The following VWC2L variants were observed in gnomAD, a reference collection of about 807,000 sequenced individuals.
The protein encoded by VWC2L is von Willebrand factor C domain-containing protein 2-like.
Under a neutral mutation model 21.6 loss-of-function variants are expected in VWC2L, and 10 were observed. That is an observed-to-expected ratio of 0.46 (90% CI 0.29 to 0.78). The LOEUF (loss-of-function observed/expected upper bound fraction) is 0.78, where lower values mean the gene tolerates loss of function less well. VWC2L is among the 30% of genes least tolerant of loss of function. The probability of loss-of-function intolerance (pLI) is 0.10; values close to 1 mark genes in which losing one functional copy is unlikely to be tolerated. For synonymous variants in VWC2L, 96 were observed against 94.3 expected (o/e 1.02, Z -0.10); for missense variants, 209 against 277.1 (o/e 0.75, Z 1.74).
intron 3 of VWC2L, among the ~76,000 whole-genome samples, chr2:214,503,570 C>T (rs552376860): frequency 6.6e-5 from 10 of 152,024 alleles, no homozygotes; most frequent in African/African-American, 1.7e-4. Flanking sequence ...TTAAAATTTC[C>T]GGGGATACTT....
chr2:214,551,075 C>T (rs1350889890), intron 3 of VWC2L, among the ~76,000 whole-genome samples: 1 of 152,012 alleles, frequency 6.6e-6, no homozygotes, highest in Admixed American at 6.6e-5. Flanking sequence ...GTTACAGTCT[C>T]TTGGAAGGAA....
chr2:214,505,716 T>C (rs565356400), intron 3 of VWC2L, among the ~76,000 whole-genome samples: 1 of 152,186 alleles, frequency 6.6e-6, no homozygotes, highest in South Asian at 2.1e-4. Flanking sequence ...GATGATGTTC[T>C]GGCCCTGTAT....
In VWC2L at chr2:214,411,779, G is replaced by A. The variant is rs1702274036; in HGVS notation, c.-88G>A. ...CCTACCACCACCATTAACCTCCAGA[G>A]TGATTAGGTAAGTGTATCTTATGAC... On this transcript the variant is annotated 5_prime_UTR_variant, in exon 1 of 4. It adds an upstream start codon to the 5' untranslated region. Coordinates refer to ENST00000312504, the MANE Select transcript of VWC2L (RefSeq NM_001080500.4). 1 of 152,138 alleles carries A rather than the reference G, an allele frequency of 6.6e-6. No homozygotes were observed. Among genetic ancestry groups the A allele is most frequent in the Non-Finnish European group, 1.5e-5 (1 of 68,026 alleles). 9.4% of individuals were successfully genotyped at this position (152,138 alleles called of 1,614,324 possible).
rs943463288 is a variant in VWC2L at position 214,416,345 on chromosome 2, C to T, written c.390+1762C>T. ...AGTTAATAATTTCTGTACCCCTTCT[C>T]GTTATAACCCTACTATAATCTAATT... On this transcript the variant is annotated intron_variant, in intron 2 of 3. Transcript: ENST00000312504. Among the ~76,000 whole-genome samples the T allele has an allele frequency of 3.9e-5, 6 of 151,962 alleles. No homozygotes were observed. In the East Asian group the frequency reaches 7.7e-4, roughly 19 times the overall value.
At chr2:214,421,288 G>C (rs1328866935) in intron 2 of VWC2L, among the ~76,000 whole-genome samples, 1 of 152,170 alleles carries the variant, frequency 6.6e-6, no homozygotes, top group African/African-American at 2.4e-5. Context: ...TTCTAAAAGA[G>C]AGTAGAATTA....
intron 3 of VWC2L, among the ~76,000 whole-genome samples, chr2:214,542,483 G>T (rs1327672747): frequency 1.3e-5 from 2 of 152,186 alleles, no homozygotes; most frequent in Non-Finnish European, 2.9e-5. Flanking sequence ...TTCTCCTGCT[G>T]CTGCCTGGCT....
chr2:214,501,221 T>G lies in VWC2L; in HGVS notation c.520+64463T>G, dbSNP rs146834693. On this transcript the variant is annotated intron_variant, in intron 3 of 3. Transcript: ENST00000312504. ...ACATATTCAGTAATTTTTCACAAAT[T>G]TAACCATCGGAAAAGCCACTCCACC... 1.7e-3 allele frequency among the ~76,000 whole-genome samples: 252 copies of G among 152,186 alleles called. 1 individual carries two copies. The highest frequency in any genetic ancestry group is 5.7e-3 in the African/African-American group (238 of 41,522).
intron 3 of VWC2L, among the ~76,000 whole-genome samples, chr2:214,520,639 A>G (rs1309765227): frequency 6.6e-6 from 1 of 152,206 alleles, no homozygotes; most frequent in Non-Finnish European, 1.5e-5. Context: ...GTGATGCACA[A>G]CGGTGCCCAC....
At chr2:214,445,358 T>C (rs1702822997) in intron 3 of VWC2L, among the ~76,000 whole-genome samples, 1 of 151,738 alleles carries the variant, frequency 6.6e-6, no homozygotes, top group Admixed American at 6.6e-5. Context: ...AAGAATAAAG[T>C]GACTGGTTAA....
At chr2:214,526,906 C>T (rs532491574) in intron 3 of VWC2L, among the ~76,000 whole-genome samples, 1 of 152,282 alleles carries the variant, frequency 6.6e-6, no homozygotes, top group South Asian at 2.1e-4. Context: ...CACATACACT[C>T]ATATATTCAT....
intron 3 of VWC2L, among the ~76,000 whole-genome samples, chr2:214,517,134 T>G (rs4673849): frequency 0.44 from 67,446 of 152,078 alleles, 15,418 homozygotes; most frequent in East Asian, 0.73. Context: ...AAATTCGTTG[T>G]TCTAATCTTT....
chr2:214,464,379 G>A (rs950182239), intron 3 of VWC2L, among the ~76,000 whole-genome samples: 5 of 152,122 alleles, frequency 3.3e-5, no homozygotes, highest in South Asian at 2.1e-4. Context: ...CAGTAACACC[G>A]AGACTCTTGT....
intron 3 of VWC2L, among the ~76,000 whole-genome samples, chr2:214,537,853 C>G (rs1050142607): frequency 6.7e-6 from 1 of 150,098 alleles, no homozygotes; most frequent in Non-Finnish European, 1.5e-5. Flanking sequence ...TCCATAAAAC[C>G]AAACAAAGTG....
At chr2:214,413,365 T>C (rs1702305622) in intron 1 of VWC2L, among the ~76,000 whole-genome samples, 1 of 152,054 alleles carries the variant, frequency 6.6e-6, no homozygotes, top group African/African-American at 2.4e-5. Context: ...CTATGTAAAA[T>C]AATGTGGACA....
intron 3 of VWC2L, among the ~76,000 whole-genome samples, chr2:214,534,344 A>G (rs1689490487): frequency 6.6e-6 from 1 of 152,124 alleles, no homozygotes; most frequent in African/African-American, 2.4e-5. Flanking sequence ...TCAAGAAATT[A>G]TTGCATTTCT....
intron 3 of VWC2L, among the ~76,000 whole-genome samples, chr2:214,505,215 G>C (rs1231832336): frequency 1.3e-5 from 2 of 152,142 alleles, no homozygotes; most frequent in African/African-American, 2.4e-5. Context: ...TATTGCATCA[G>C]TTTGCCCTGA....
chr2:214,485,040 G>C (rs1688656565), intron 3 of VWC2L, among the ~76,000 whole-genome samples: 1 of 152,166 alleles, frequency 6.6e-6, no homozygotes, highest in South Asian at 2.1e-4. Context: ...TATCTGGCCG[G>C]GTGCAGTGGC....
At chr2:214,425,192 C>T (rs1052696794) in intron 2 of VWC2L, among the ~76,000 whole-genome samples, 3 of 152,184 alleles carry the variant, frequency 2.0e-5, no homozygotes, top group African/African-American at 7.2e-5. Flanking sequence ...ATCAGATATT[C>T]TTCCCTTTCT....
intron 3 of VWC2L, among the ~76,000 whole-genome samples, chr2:214,448,110 C>T (rs1702866966): frequency 6.6e-6 from 1 of 152,202 alleles, no homozygotes; most frequent in African/African-American, 2.4e-5. Flanking sequence ...ACCATACCTA[C>T]TGCCACATAA....
Sources: allele counts gnomAD v4.1 joint callset (sites outside exome capture counted in the v4.1 genomes callset), GRCh38; gene constraint gnomAD v4.1.1; transcripts MANE v1.5; gene names NCBI Gene and HGNC (gene_info 2026-07-23, HGNC 2026-07-21).